KHDRBS2: variants seen among roughly 807,000 people sequenced by gnomAD.
The protein encoded by KHDRBS2 is KH domain-containing, RNA-binding, signal transduction-associated protein 2.
KHDRBS2 carries 26 observed loss-of-function variants against 44.3 expected under a neutral mutation model. That is an observed-to-expected ratio of 0.59 (90% CI 0.43 to 0.81). KHDRBS2 has a LOEUF of 0.81. KHDRBS2 is among the 40% of genes least tolerant of loss of function. The pLI, the probability that KHDRBS2 is intolerant of heterozygous loss-of-function variation, is 0.00. For synonymous variants in KHDRBS2, 194 were observed against 151.1 expected (o/e 1.28, Z -2.08); for missense variants, 476 against 433.1 (o/e 1.10, Z -0.88).
In KHDRBS2 at chr6:62,137,161, C is replaced by T. The variant is rs189405902; in HGVS notation, c.219+40024G>A. Among the ~76,000 whole-genome samples the T allele has an allele frequency of 3.8e-3, 584 of 152,000 alleles. 5 individuals carry two copies. Among genetic ancestry groups the T allele is most frequent in the African/African-American group, 0.013 (553 of 41,488 alleles). On this transcript the variant is annotated intron_variant, in intron 2 of 8. Transcript: ENST00000281156. ...GACTACAGGCACCCGCCACCATGCC[C>T]GGCTAATTTGTTTGTATTTTTAGTA... is the stretch of plus-strand genomic sequence containing the variant.
rs1190751907 is a variant in KHDRBS2, at chr6:61,717,965, T to C, written c.893+14717A>G. ...TGTCTAACACCGTGGAGTTGGCAGATATGGGTTCAAATCCAACATTTACTA... is the reference window on the plus strand; with the variant it reads ...TGTCTAACACCGTGGAGTTGGCAGACATGGGTTCAAATCCAACATTTACTA... On this transcript the variant is annotated intron_variant, in intron 7 of 8. Transcript: ENST00000281156. Among the ~76,000 whole-genome samples, 10 of 152,180 alleles carry C rather than the reference T, an allele frequency of 6.6e-5. No individual in the cohort carries two copies. In the South Asian group the frequency reaches 1.9e-3, roughly 28 times the overall value.
At chr6:61,905,904 G>T (rs1804918866) in intron 4 of KHDRBS2, among the ~76,000 whole-genome samples, 1 of 138,352 alleles carries the variant, frequency 7.2e-6, no homozygotes. Flanking sequence ...CGCTCAGGCT[G>T]GAGTGCAGTG....
At chr6:62,144,173 C>A (rs988525469) in intron 2 of KHDRBS2, among the ~76,000 whole-genome samples, 2 of 151,772 alleles carry the variant, frequency 1.3e-5, no homozygotes, top group African/African-American at 2.4e-5. Flanking sequence ...TTAGTGAAAA[C>A]CTCTTAATAA....
intron 7 of KHDRBS2, among the ~76,000 whole-genome samples, chr6:61,724,014 A>G (rs1000127297): frequency 2.0e-5 from 3 of 152,278 alleles, no homozygotes; most frequent in African/African-American, 7.2e-5. Flanking sequence ...CATAATCATC[A>G]GATTTTCCAA....
intron 1 of KHDRBS2, among the ~76,000 whole-genome samples, chr6:62,245,463 C>T (rs998536689): frequency 1.3e-5 from 2 of 152,060 alleles, no homozygotes; most frequent in African/African-American, 4.8e-5. Context: ...GATTTTCTTT[C>T]TGTTTCTACT....
intron 3 of KHDRBS2, among the ~76,000 whole-genome samples, chr6:62,025,447 A>T (rs1391429072): frequency 6.6e-6 from 1 of 151,820 alleles, no homozygotes; most frequent in Non-Finnish European, 1.5e-5. Context: ...CTATTAACTT[A>T]TTTTCATATA....
At chr6:61,993,075 C>T (rs1776444067) in intron 3 of KHDRBS2, among the ~76,000 whole-genome samples, 1 of 152,078 alleles carries the variant, frequency 6.6e-6, no homozygotes, top group Non-Finnish European at 1.5e-5. Context: ...CCGAAAAGCC[C>T]CTTTGCAGAA....
intron 1 of KHDRBS2, among the ~76,000 whole-genome samples, chr6:62,220,217 C>G (rs908094029): frequency 1.3e-5 from 2 of 151,582 alleles, no homozygotes; most frequent in Non-Finnish European, 3.0e-5. Flanking sequence ...GAACTAAAGA[C>G]CAATTCAGTC....
At chr6:62,281,179 G>T (rs1841744500) in intron 1 of KHDRBS2, among the ~76,000 whole-genome samples, 1 of 152,006 alleles carries the variant, frequency 6.6e-6, no homozygotes, top group Admixed American at 6.6e-5. Context: ...TTTTCATAAG[G>T]TAATTTATTT....
rs59518436 is a variant in KHDRBS2, at chr6:61,869,964, GTTT to G, written c.810+24668_810+24670del. ...TAGACACCGAACTAGCTGCAGGAGT[GTTT>G]TTTTTTTTTTTTTTTTTTTTCCCCA... On this transcript the variant is annotated intron_variant, in intron 6 of 8. Transcript: ENST00000281156. 7.3e-4 allele frequency among the ~76,000 whole-genome samples: 80 copies of G among 109,026 alleles called. 1 individual carries two copies. Among genetic ancestry groups the G allele is most frequent in the African/African-American group, 2.9e-3 (77 of 26,432 alleles). The allele number at this position is 109,026 out of a possible 152,430, so 71.5% of individuals were successfully genotyped here.
chr6:61,944,810 G>A (rs1812865440), intron 4 of KHDRBS2, among the ~76,000 whole-genome samples: 1 of 151,706 alleles, frequency 6.6e-6, no homozygotes, highest in African/African-American at 2.4e-5. Context: ...AACATATGAG[G>A]CTGGGAGCAG....
At chr6:62,007,525 AATT>A (rs1379465553) in intron 3 of KHDRBS2, among the ~76,000 whole-genome samples, 1 of 152,044 alleles carries the variant, frequency 6.6e-6, no homozygotes, top group Non-Finnish European at 1.5e-5. Context: ...ATTTATGCTT[AATT>A]ATCATGCAAA....
the KHDRBS2 span, among the ~76,000 whole-genome samples, chr6:61,555,256 G>A: frequency 6.6e-6 from 1 of 152,040 alleles, no homozygotes. Flanking sequence ...TCAGAAAACA[G>A]GTTTGGAGCT....
intron 2 of KHDRBS2, among the ~76,000 whole-genome samples, chr6:62,153,736 C>G (rs1021899177): frequency 1.1e-4 from 16 of 152,104 alleles, no homozygotes; most frequent in African/African-American, 3.9e-4. Context: ...TCACTCAATC[C>G]TACTGCCTTT....
intron 4 of KHDRBS2, among the ~76,000 whole-genome samples, chr6:61,922,934 A>G (rs1381024778): frequency 3.3e-5 from 5 of 152,180 alleles, no homozygotes; most frequent in African/African-American, 1.2e-4. Context: ...GCAGTAAAAT[A>G]TGATACATAA....
At chr6:61,679,000 T>TC (rs1766097948), downstream of KHDRBS2, 1 of 151,900 alleles carries the variant, frequency 6.6e-6, no homozygotes, top group South Asian at 2.1e-4. Flanking sequence ...CTCAACAGCA[T>TC]TTTGTAAAAG....
intron 1 of KHDRBS2, among the ~76,000 whole-genome samples, chr6:62,227,320 G>C (rs1832055961): frequency 6.6e-6 from 1 of 152,122 alleles, no homozygotes; most frequent in Non-Finnish European, 1.5e-5. Context: ...TTGGCTCTCT[G>C]CTTATCTTCT....
At chr6:62,064,924 C>G (rs549317614) in intron 2 of KHDRBS2, among the ~76,000 whole-genome samples, 10 of 151,080 alleles carry the variant, frequency 6.6e-5, no homozygotes, top group African/African-American at 2.2e-4. Flanking sequence ...TGAACTCAAA[C>G]AAATTTACAA....
chr6:62,048,178 TATCTA>T (rs1191665353), intron 2 of KHDRBS2, among the ~76,000 whole-genome samples, 184 bp from the exon 3 acceptor site: 3 of 149,288 alleles, frequency 2.0e-5, no homozygotes, highest in Non-Finnish European at 4.4e-5. Context: ...CCATTTCAGA[TATCTA>T]ATCTAACACT....
Sources: allele counts gnomAD v4.1 joint callset (sites outside exome capture counted in the v4.1 genomes callset), GRCh38; gene constraint gnomAD v4.1.1; transcripts MANE v1.5; gene names NCBI Gene and HGNC (gene_info 2026-07-23, HGNC 2026-07-21).